Variants in COL21A1 observed in about 807,000 individuals in gnomAD.
The protein encoded by COL21A1 is collagen type XXI alpha 1 chain, also known as collagen alpha-1(XXI) chain.
A neutral mutation model predicts 137.9 loss-of-function variants in COL21A1; 149 were observed. That is an observed-to-expected ratio of 1.08 (90% CI 0.95 to 1.24). The LOEUF (loss-of-function observed/expected upper bound fraction) is 1.24. COL21A1 is among the 50% of genes most tolerant of loss of function. The pLI is 0.00. For synonymous variants in COL21A1, 456 were observed against 391.5 expected (o/e 1.16, Z -1.95); for missense variants, 1,167 against 1,158.4 (o/e 1.01, Z -0.11).
At chr6:56,362,220 CATTT>C (rs1693524782) in intron 1 of COL21A1, among the ~76,000 whole-genome samples, 1 of 152,110 alleles carries the variant, frequency 6.6e-6, no homozygotes, top group South Asian at 2.1e-4. Context: ...AGTATGATCT[CATTT>C]ATTATATTTT....
At chr6:56,154,572 C>T (rs912169003) in intron 10 of COL21A1, among the ~76,000 whole-genome samples, 8 of 152,190 alleles carry the variant, frequency 5.3e-5, no homozygotes, top group African/African-American at 1.9e-4. Context: ...CTTCTCCATT[C>T]TCCCACCGTA....
At chr6:56,084,114 T>G (rs1768014973) in intron 17 of COL21A1, among the ~76,000 whole-genome samples, 1 of 151,896 alleles carries the variant, frequency 6.6e-6, no homozygotes, top group South Asian at 2.1e-4. Context: ...ACTAGACATT[T>G]CTACTTAAAT....
At chr6:56,337,893 A>T (rs1765365874) in intron 1 of COL21A1, among the ~76,000 whole-genome samples, 1 of 151,952 alleles carries the variant, frequency 6.6e-6, no homozygotes, top group Non-Finnish European at 1.5e-5. Context: ...TGTAATGCTC[A>T]TCTCTTCCCT....
chr6:56,129,699 T>TGAGAGAGA (rs3065909), intron 12 of COL21A1, among the ~76,000 whole-genome samples: 14 of 120,514 alleles, frequency 1.2e-4, no homozygotes, highest in East Asian at 2.4e-4. Flanking sequence ...TGTGTGTGTG[T>TGAGAGAGA]GAGAGAGAGA....
chr6:56,199,579 A>G (rs113265564), intron 1 of COL21A1, among the ~76,000 whole-genome samples: 3,658 of 152,214 alleles, frequency 0.024, 56 homozygotes, highest in Middle Eastern at 0.037. Flanking sequence ...GAAAACAATG[A>G]TTCATATTAT....
chr6:56,315,066 C>T (rs368633160), intron 1 of COL21A1, among the ~76,000 whole-genome samples: 1 of 152,216 alleles, frequency 6.6e-6, no homozygotes. Context: ...ATGCTATAAA[C>T]ATTTTGACAG....
At chr6:56,122,844 T>TC (rs1772674415) in intron 16 of COL21A1, among the ~76,000 whole-genome samples, 2 of 152,194 alleles carry the variant, frequency 1.3e-5, no homozygotes, top group African/African-American at 2.4e-5. Context: ...TTCATACCAT[T>TC]CTAGATAGGT....
At chr6:56,059,968 T>A in intron 28 of COL21A1, 50 bp downstream of exon 28, 3 of 1,451,638 alleles carry the variant, frequency 2.1e-6, no homozygotes, top group Non-Finnish European at 2.8e-6. Context: ...TATGAATTTT[T>A]AAAAAAAGAC....
At chr6:56,304,969 T>C (rs1187352374) in intron 1 of COL21A1, among the ~76,000 whole-genome samples, 1 of 152,234 alleles carries the variant, frequency 6.6e-6, no homozygotes, top group African/African-American at 2.4e-5. Context: ...CATCTTTATT[T>C]CTGCCTTCAT....
rs777045553 is a variant in COL21A1, at chr6:56,185,426, C to CT, written c.-38-2771dup. On this transcript the variant is annotated intron_variant, in intron 1 of 29. Transcript: ENST00000244728. ...TAAGTGGACAGGCGAAATGAACAGT[C>CT]TTTTTTTTTTTTTTTTTTTTGAGAC... Among the ~76,000 whole-genome samples, 313 of 100,148 alleles carry CT rather than the reference C, an allele frequency of 3.1e-3. 11 individuals are homozygous for CT. The highest frequency in any genetic ancestry group is 6.8e-3 in the Middle Eastern group (1 of 146). The allele number at this position is 100,148 out of a possible 152,430, so 65.7% of individuals were successfully genotyped here. A position where few individuals can be genotyped will look rare whatever the true frequency, so the allele number is the denominator to read the frequency against.
chr6:56,260,729 C>A (rs1254147684), intron 1 of COL21A1, among the ~76,000 whole-genome samples: 12 of 144,332 alleles, frequency 8.3e-5, no homozygotes, highest in African/African-American at 2.8e-4. Flanking sequence ...GGGAGGCAGG[C>A]AGGAAGGAAG....
At chr6:56,123,274 T>G (rs1031505910) in intron 16 of COL21A1, among the ~76,000 whole-genome samples, 1 of 152,214 alleles carries the variant, frequency 6.6e-6, no homozygotes, top group Non-Finnish European at 1.5e-5. Context: ...CTCCCATATT[T>G]TATAGTCAGG....
At chr6:56,298,905 C>A (rs572476120) in intron 1 of COL21A1, among the ~76,000 whole-genome samples, 1 of 152,190 alleles carries the variant, frequency 6.6e-6, no homozygotes, top group African/African-American at 2.4e-5. Flanking sequence ...CTTAAGGGGA[C>A]CTTAAAAGTC....
intron 24 of COL21A1, 110 bp from the exon 25 acceptor site, chr6:56,061,791 A>T: frequency 1.5e-6 from 1 of 682,060 alleles, no homozygotes. Flanking sequence ...AATTTGGAAA[A>T]TATTGATAGC....
intron 1 of COL21A1, among the ~76,000 whole-genome samples, chr6:56,216,128 T>A (rs1780466432): frequency 6.6e-6 from 1 of 152,074 alleles, no homozygotes; most frequent in African/African-American, 2.4e-5. Context: ...ACACTTTCTC[T>A]GATGGCTTCT....
chr6:56,252,616 T>C (rs1267775151), intron 1 of COL21A1, among the ~76,000 whole-genome samples: 1 of 152,212 alleles, frequency 6.6e-6, no homozygotes, highest in Non-Finnish European at 1.5e-5. Flanking sequence ...TGCTACATTT[T>C]CCTTTTCATA....
intron 1 of COL21A1, among the ~76,000 whole-genome samples, chr6:56,280,219 G>A (rs1289877535): frequency 6.6e-6 from 1 of 152,110 alleles, no homozygotes; most frequent in Admixed American, 6.5e-5. Flanking sequence ...TTTCCTGTGG[G>A]ATTCCTTTAC....
intron 1 of COL21A1, among the ~76,000 whole-genome samples, chr6:56,224,576 A>G (rs549774121): frequency 6.6e-6 from 1 of 152,218 alleles, no homozygotes; most frequent in South Asian, 2.1e-4. Flanking sequence ...TTTTTGGAAT[A>G]TGGGAGACAT....
chr6:56,061,782 A>T, intron 24 of COL21A1, 101 bp from the exon 25 acceptor site: 1 of 755,562 alleles, frequency 1.3e-6, no homozygotes, highest in Non-Finnish European at 2.1e-6. Context: ...TAAAATTTCA[A>T]TTTGGAAAAT....
Sources: gnomAD v4.1 joint callset for allele counts (sites outside exome capture counted in the v4.1 genomes callset) on GRCh38, gnomAD v4.1.1 for gene constraint, MANE v1.5 for transcripts, NCBI Gene and HGNC (gene_info 2026-07-23, HGNC 2026-07-21) for gene names.